DNAJC13: variants seen among roughly 807,000 people sequenced by gnomAD.
DNAJC13 encodes DnaJ heat shock protein family (Hsp40) member C13, also known as dnaJ homolog subfamily C member 13.
In DNAJC13, 75 loss-of-function variants were observed where a neutral mutation model predicts 290.5. The observed-to-expected ratio is 0.26, with a 90% CI of 0.21 to 0.31. DNAJC13 has a LOEUF of 0.31. Ranked by LOEUF, DNAJC13 falls within the 10% of genes least tolerant of loss-of-function variation. DNAJC13 has a pLI of 1.00. For missense variants in DNAJC13, 2,260 were observed against 2,674.5 expected (o/e 0.85, Z 3.42); for synonymous variants, 862 against 892.0 (o/e 0.97, Z 0.60).
At chr3:132,466,190 A>G in intron 18 of DNAJC13, 109 bp from the exon 19 acceptor site, 1 of 1,385,970 alleles carries the variant, frequency 7.2e-7, no homozygotes, top group Admixed American at 1.9e-5. Flanking sequence ...CATAGGAGTT[A>G]CCGTAAAGTT....
At chr3:132,516,352 A>G in intron 46 of DNAJC13, 70 bp from the exon 47 acceptor site, 2 of 1,428,662 alleles carry the variant, frequency 1.4e-6, no homozygotes, top group South Asian at 1.2e-5. Flanking sequence ...AGTGCCTGGC[A>G]CAGAGCTGGT....
At chr3:132,467,363 T>G (rs373816582) in intron 20 of DNAJC13, 50 bp downstream of exon 20, 2 of 1,597,232 alleles carry the variant, frequency 1.3e-6, no homozygotes, top group Non-Finnish European at 1.7e-6. Context: ...TGTGTCCTAG[T>G]CTACTTTAGT....
intron 2 of DNAJC13, among the ~76,000 whole-genome samples, chr3:132,438,141 A>G (rs1939428986): frequency 6.6e-6 from 1 of 151,730 alleles, no homozygotes; most frequent in Non-Finnish European, 1.5e-5. Context: ...TCTTAACAGC[A>G]TTGTCTTCTG....
At chr3:132,499,520 A>C (rs1040759586) in intron 37 of DNAJC13, among the ~76,000 whole-genome samples, 1 of 152,224 alleles carries the variant, frequency 6.6e-6, no homozygotes, top group African/African-American at 2.4e-5. Flanking sequence ...CAAAACCGAT[A>C]ATGGTAATAT....
intron 48 of DNAJC13, among the ~76,000 whole-genome samples, chr3:132,518,421 T>C (rs9826522): frequency 0.6 from 91,071 of 152,076 alleles, 29,448 homozygotes; most frequent in East Asian, 0.87. Context: ...GGTGCAATCT[T>C]AGCTCACTGC....
intron 5 of DNAJC13, among the ~76,000 whole-genome samples, chr3:132,450,094 T>A (rs1933375716): frequency 6.6e-6 from 1 of 152,088 alleles, no homozygotes; most frequent in South Asian, 2.1e-4. Context: ...TCAAACATCT[T>A]GAAGATAACT....
chr3:132,456,915 T>C (rs536390236), intron 12 of DNAJC13, 83 bp downstream of exon 12: 2 of 1,446,156 alleles, frequency 1.4e-6, no homozygotes, highest in Non-Finnish European at 9.4e-7. Flanking sequence ...CACCTCCTTT[T>C]CCTTGACTAA....
At chr3:132,476,812 A>G (rs1401223013) in intron 22 of DNAJC13, among the ~76,000 whole-genome samples, 1 of 152,152 alleles carries the variant, frequency 6.6e-6, no homozygotes, top group Non-Finnish European at 1.5e-5. Flanking sequence ...TCATCTTCAG[A>G]TCTTTTGAAT....
chr3:132,436,315 G>A (rs1033767556), intron 2 of DNAJC13, among the ~76,000 whole-genome samples: 1 of 152,128 alleles, frequency 6.6e-6, no homozygotes, highest in African/African-American at 2.4e-5. Context: ...ACAAAATGCT[G>A]TATTTTCTGA....
At position 132,494,211 on chromosome 3, in the gene DNAJC13, C is replaced by T. The variant is rs373551185; in HGVS notation, c.3893C>T (p.Ser1298Leu). The T allele has an allele frequency of 3.1e-6, 5 of 1,613,086 alleles. No individual in the cohort carries two copies. The African/African-American group carries it at 6.7e-5, about 22-fold the overall frequency. Residue 1298 changes from serine to leucine, a missense_variant, in exon 34 of 56, where the codon TCA becomes TTA. Around this residue, in one of 3 missense-constraint regions of DNAJC13, gnomAD observed 1,494 missense variants for 1,693.7 expected, o/e 0.88. Transcript: ENST00000260818. ...KEVEKKPPMMSIDDAYEVLNL... is the reference protein window; with the variant it reads ...KEVEKKPPMMLIDDAYEVLNL... Reference sequence around the variant, plus strand: ...GTAGAAAAGAAGCCACCTATGATGTCAATAGATGATGCTTATGAAGTGCTT... The same window carrying T: ...GTAGAAAAGAAGCCACCTATGATGTTAATAGATGATGCTTATGAAGTGCTT...
intron 1 of DNAJC13, among the ~76,000 whole-genome samples, chr3:132,423,164 G>A (rs909995193): frequency 1.6e-4 from 25 of 152,192 alleles, no homozygotes; most frequent in Admixed American, 9.2e-4. Flanking sequence ...CTGTGGTGAC[G>A]TGTGCTCGGG....
At chr3:132,518,341 A>G (rs1935984314) in intron 48 of DNAJC13, among the ~76,000 whole-genome samples, 1 of 152,196 alleles carries the variant, frequency 6.6e-6, no homozygotes, top group Non-Finnish European at 1.5e-5. Context: ...GAGATTCTAG[A>G]ACCGGGGTCG....
intron 21 of DNAJC13, 102 bp downstream of exon 21, chr3:132,473,329 T>C: frequency 1.3e-6 from 1 of 746,498 alleles, no homozygotes; most frequent in Non-Finnish European, 2.2e-6. Flanking sequence ...TTATGCCACA[T>C]GTATTTTTAT....
chr3:132,446,694 T>G, intron 3 of DNAJC13, 144 bp downstream of exon 3: 1 of 548,286 alleles, frequency 1.8e-6, no homozygotes, highest in South Asian at 3.0e-5. Flanking sequence ...TACATAATAC[T>G]CTGATTTGGG....
At chr3:132,477,303 A>C (rs1934505108) in intron 22 of DNAJC13, among the ~76,000 whole-genome samples, 1 of 152,210 alleles carries the variant, frequency 6.6e-6, no homozygotes. Flanking sequence ...CTGATCTTTG[A>C]CTTTGCCCTC....
chr3:132,462,367 C>T, intron 15 of DNAJC13, 100 bp from the exon 16 acceptor site: 1 of 1,150,838 alleles, frequency 8.7e-7, no homozygotes. Context: ...GTGGCTTATA[C>T]CTTGTGTAAA....
intron 28 of DNAJC13, among the ~76,000 whole-genome samples, chr3:132,484,127 C>A (rs904704094): frequency 3.3e-5 from 5 of 152,164 alleles, no homozygotes; most frequent in African/African-American, 1.2e-4. Flanking sequence ...CATTTTAAAA[C>A]ACTTGAAGTT....
chr3:132,482,218 A>T lies in DNAJC13; in HGVS notation c.2875-8A>T. 6.3e-7 allele frequency: 1 copy of T among 1,598,812 alleles called. No homozygotes were observed. Among genetic ancestry groups the T allele is most frequent in the Non-Finnish European group, 8.5e-7 (1 of 1,173,804 alleles). On this transcript the variant is annotated splice_polypyrimidine_tract_variant and splice_region_variant and intron_variant, in intron 26 of 55. Transcript: ENST00000260818. ...TTGGAAAATAATTTAAATCTTTTTTAAACTTAGAGCAATGTAATTGAAGCT... is the reference window on the plus strand; with the variant it reads ...TTGGAAAATAATTTAAATCTTTTTTTAACTTAGAGCAATGTAATTGAAGCT...
chr3:132,467,524 G>A lies in DNAJC13; in HGVS notation c.2208+211G>A, dbSNP rs1934038065. Among the ~76,000 whole-genome samples, 2 of 152,140 alleles carry A rather than the reference G, an allele frequency of 1.3e-5. 1 individual carries two copies. The highest frequency in any genetic ancestry group is 4.1e-4 in the South Asian group (2 of 4,828). ...TCTGTTGCACAGGCTGGAGTGCAGT[G>A]GAGCGATCTCGTCTCACTGCAAGCT... On this transcript the variant is annotated intron_variant, in intron 20 of 55. Transcript: ENST00000260818.
Sources: allele counts gnomAD v4.1 joint callset (sites outside exome capture counted in the v4.1 genomes callset), GRCh38; gene constraint gnomAD v4.1.1; regional missense constraint gnomAD v4.1.1; transcripts MANE v1.5; gene names NCBI Gene and HGNC (gene_info 2026-07-23, HGNC 2026-07-21).